Variants in RBPMS observed in about 807,000 individuals in gnomAD.
RBPMS encodes RNA-binding protein with multiple splicing.
In RBPMS, 7 loss-of-function variants were observed where a neutral mutation model predicts 26.8. The observed-to-expected ratio is 0.26, with a 90% CI of 0.15 to 0.49. The LOEUF is 0.49. Among genes scored for constraint, RBPMS ranks in the 20% least tolerant of loss-of-function variants. The pLI, the probability that RBPMS is intolerant of heterozygous loss-of-function variation, is 0.98. For synonymous variants in RBPMS, 96 were observed against 93.3 expected (o/e 1.03, Z -0.17); for missense variants, 186 against 250.0 (o/e 0.74, Z 1.73).
At chr8:30,524,613 A>T (rs1585759857) in intron 5 of RBPMS, among the ~76,000 whole-genome samples, 1 of 152,296 alleles carries the variant, frequency 6.6e-6, no homozygotes, top group East Asian at 1.9e-4. Flanking sequence ...TAAGTAGGGC[A>T]AGGTGAGATG....
At position 30,384,979 on chromosome 8, in the gene RBPMS, G is replaced by GCGGCGCCCGCCCGAGGGAGCCC. The variant is rs1252633299; in HGVS notation, c.-104_-83dup. 7.2e-6 allele frequency: 5 copies of GCGGCGCCCGCCCGAGGGAGCCC among 691,800 alleles called. No individual in the cohort carries two copies. In the African/African-American group the frequency reaches 7.7e-5, roughly 11 times the overall value. The allele number at this position is 691,800 out of a possible 1,614,324, so 42.9% of individuals were successfully genotyped here. On this transcript the variant is annotated 5_prime_UTR_variant, in exon 1 of 9. Transcript: ENST00000397323. The surrounding 1 kb of genome is among the most constrained non-coding windows in gnomAD (Gnocchi z 5.6). ...GGCTCCAGCTCCAGCCCCACAGCCC[G>GCGGCGCCCGCCCGAGGGAGCCC]CGGCGCCCGCCCGAGGGAGCCCCGG...
At chr8:30,544,880 G>A (rs144421515) in intron 6 of RBPMS, 11 of 1,496,254 alleles carry the variant, frequency 7.4e-6, no homozygotes, top group Middle Eastern at 1.7e-4. Flanking sequence ...ACCTCATATC[G>A]CACATGAGAG....
chr8:30,526,446 CT>C (rs1290459066), intron 5 of RBPMS, among the ~76,000 whole-genome samples: 1 of 149,750 alleles, frequency 6.7e-6, no homozygotes, highest in Non-Finnish European at 1.5e-5. Flanking sequence ...GGCATTGATA[CT>C]GACTACATTT....
intron 6 of RBPMS, chr8:30,544,976 G>A (rs1379699623): frequency 6.9e-7 from 1 of 1,453,832 alleles, no homozygotes; most frequent in Non-Finnish European, 9.0e-7. Context: ...TGGAAGGGCT[G>A]CAGAGGAAGG....
At chr8:30,423,847 G>GT (rs910543281) in intron 1 of RBPMS, among the ~76,000 whole-genome samples, 11 of 149,204 alleles carry the variant, frequency 7.4e-5, no homozygotes, top group Admixed American at 2.0e-4. Flanking sequence ...TTGTTGTTTT[G>GT]TTTTTTTGGA....
chr8:30,546,068 G>T (rs1435314920), intron 6 of RBPMS, among the ~76,000 whole-genome samples: 2 of 152,162 alleles, frequency 1.3e-5, no homozygotes, highest in Non-Finnish European at 2.9e-5. Flanking sequence ...AAACCTGTGG[G>T]TGTCTTCTGC....
intron 7 of RBPMS, chr8:30,562,137 C>G: frequency 1.6e-6 from 1 of 624,506 alleles, no homozygotes; most frequent in Admixed American, 6.3e-5. Flanking sequence ...TTGAGACCAG[C>G]CCAGCCAACA....
intron 5 of RBPMS, among the ~76,000 whole-genome samples, chr8:30,515,291 G>C (rs1394987466): frequency 6.6e-6 from 1 of 152,164 alleles, no homozygotes; most frequent in East Asian, 1.9e-4. Context: ...GATTTTAATG[G>C]AACATAATAG....
intron 5 of RBPMS, among the ~76,000 whole-genome samples, chr8:30,504,885 T>G (rs1240199112): frequency 1.3e-5 from 2 of 152,162 alleles, no homozygotes; most frequent in Non-Finnish European, 2.9e-5. Context: ...TTCTATTCAG[T>G]TTAGCCATAA....
chr8:30,562,708 C>A (rs1029451186), intron 7 of RBPMS, among the ~76,000 whole-genome samples: 1 of 152,188 alleles, frequency 6.6e-6, no homozygotes, highest in African/African-American at 2.4e-5. Flanking sequence ...AAGGCGCATA[C>A]CATTCATTGG....
At chr8:30,462,279 T>C (rs912151558) in intron 1 of RBPMS, among the ~76,000 whole-genome samples, 2 of 152,224 alleles carry the variant, frequency 1.3e-5, no homozygotes, top group African/African-American at 2.4e-5. Context: ...ACCAGTGTTA[T>C]CATTGTTTTT....
chr8:30,456,513 A>T (rs1352063973), intron 1 of RBPMS, among the ~76,000 whole-genome samples: 1 of 152,112 alleles, frequency 6.6e-6, no homozygotes, highest in African/African-American at 2.4e-5. Context: ...TTTTAAAATC[A>T]TGGTTATATT....
At chr8:30,446,849 G>GCA (rs1563326580) in intron 1 of RBPMS, 5 of 136,258 alleles carry the variant, frequency 3.7e-5, no homozygotes, top group Middle Eastern at 3.6e-3. Flanking sequence ...GTGTGCGCGC[G>GCA]CGCGCGCGCG....
intron 1 of RBPMS, among the ~76,000 whole-genome samples, chr8:30,419,669 G>C (rs1206992644): frequency 1.3e-5 from 2 of 151,974 alleles, no homozygotes; most frequent in African/African-American, 4.8e-5. Context: ...ACTACCTTCA[G>C]GCTATGTTTA....
rs1812476889 is a variant in RBPMS at position 30,436,632 on chromosome 8, C to T, written c.67-38147C>T. ...CACTTTCCTGTATCTAACACTAATA[C>T]CACTTAGGACTGCAATAGTTTTCTC... On this transcript the variant is annotated intron_variant, in intron 1 of 8. Coordinates refer to ENST00000397323, the MANE Select transcript of RBPMS (RefSeq NM_001008710.3). 2.0e-5 allele frequency among the ~76,000 whole-genome samples: 3 copies of T among 152,316 alleles called. No homozygotes were observed. The South Asian group carries it at 6.2e-4, about 32-fold the overall frequency.
intron 1 of RBPMS, among the ~76,000 whole-genome samples, chr8:30,450,467 G>A (rs938993801): frequency 2.0e-5 from 3 of 152,126 alleles, no homozygotes; most frequent in East Asian, 1.9e-4. Flanking sequence ...AGGAGGAGGT[G>A]GGAAGGATGT....
At chr8:30,470,396 C>A (rs1204054587) in intron 1 of RBPMS, among the ~76,000 whole-genome samples, 2 of 151,768 alleles carry the variant, frequency 1.3e-5, no homozygotes, top group African/African-American at 4.8e-5. Context: ...AAAAAAAAAT[C>A]TGTGATTCTA....
chr8:30,557,911 A>G (rs1827098536), intron 6 of RBPMS, among the ~76,000 whole-genome samples: 1 of 152,198 alleles, frequency 6.6e-6, no homozygotes, highest in South Asian at 2.1e-4. Flanking sequence ...ATTGCCCAGA[A>G]TGGAGTGCAG....
chr8:30,419,450 ATGTGTGTGTGTGTG>A (rs71278690), intron 1 of RBPMS, among the ~76,000 whole-genome samples: 7 of 143,176 alleles, frequency 4.9e-5, no homozygotes, highest in African/African-American at 1.1e-4. Context: ...CATCTCAAAA[ATGTGTGTGTGTGTG>A]TGTGTGTGTG....
Sources: gnomAD v4.1 joint callset for allele counts (sites outside exome capture counted in the v4.1 genomes callset) on GRCh38, gnomAD v4.1.1 for gene constraint, Gnocchi (gnomAD v3.1) non-coding constraint, MANE v1.5 for transcripts, NCBI Gene and HGNC (gene_info 2026-07-23, HGNC 2026-07-21) for gene names.